The following PHLPP2 variants were observed in gnomAD, a reference collection of about 807,000 sequenced individuals.
PHLPP2 encodes PH domain leucine-rich repeat-containing protein phosphatase 2.
PHLPP2 carries 66 observed loss-of-function variants against 124.9 expected under a neutral mutation model. That is an observed-to-expected ratio of 0.53 (90% CI 0.43 to 0.65). PHLPP2 has a LOEUF of 0.65. PHLPP2 is among the 30% of genes least tolerant of loss of function. The probability of loss-of-function intolerance (pLI) is 0.00; values close to 1 mark genes in which losing one functional copy is unlikely to be tolerated. For synonymous variants in PHLPP2, 681 were observed against 624.7 expected (o/e 1.09, Z -1.34); for missense variants, 1,685 against 1,600.4 (o/e 1.05, Z -0.90).
Position 71,645,564 on chromosome 16 carries a change from G to T in PHLPP2, c.*3326C>A, listed in dbSNP as rs2044647802. On this transcript the variant is annotated 3_prime_UTR_variant, in exon 19 of 19. Coordinates refer to ENST00000568954, the MANE Select transcript of PHLPP2 (RefSeq NM_015020.3). The stretch of plus-strand genomic sequence containing the variant: ...GAGAAGGTGAGCCTGTGGCTTCCAA[G>T]TACCGGCTTTTGCTGAAGGTCTACA... The T allele has an allele frequency of 6.5e-6, 1 of 152,704 alleles. No homozygotes were observed. Among genetic ancestry groups the T allele is most frequent in the South Asian group, 2.1e-4 (1 of 4,834 alleles). 9.5% of individuals were successfully genotyped at this position (152,704 alleles called of 1,614,324 possible). A position where few individuals can be genotyped will look rare whatever the true frequency, so the allele number is the denominator to read the frequency against.
At position 71,693,081 on chromosome 16, in the gene PHLPP2, A is replaced by G. The variant is rs569928065; in HGVS notation, c.419-2372T>C. Among the ~76,000 whole-genome samples, 717 of 152,182 alleles carry G rather than the reference A, an allele frequency of 4.7e-3. 2 individuals are homozygous for G. Among genetic ancestry groups the G allele is most frequent in the Non-Finnish European group, 7.8e-3 (527 of 67,982 alleles). On this transcript the variant is annotated intron_variant, in intron 3 of 18. Coordinates refer to ENST00000568954, the MANE Select transcript of PHLPP2 (RefSeq NM_015020.3). ...TGAGGCGGGCGGATCACGAGGTCAG[A>G]AGTTCAAGACCAGCCTGACCAACAT...
At chr16:71,716,974 T>C (rs1181800259) in intron 1 of PHLPP2, among the ~76,000 whole-genome samples, 1 of 152,266 alleles carries the variant, frequency 6.6e-6, no homozygotes, top group Non-Finnish European at 1.5e-5. Context: ...ATTTCTAGCA[T>C]GTTAACACCT....
At chr16:71,704,264 G>A (rs1567627507) in intron 2 of PHLPP2, among the ~76,000 whole-genome samples, 1 of 147,878 alleles carries the variant, frequency 6.8e-6, no homozygotes, top group Non-Finnish European at 1.5e-5. Flanking sequence ...GAGCCGAGAT[G>A]GTGCCACCGC....
At chr16:71,677,453 C>CATATATAT (rs9302629) in intron 8 of PHLPP2, 49 of 133,760 alleles carry the variant, frequency 3.7e-4, no homozygotes, top group Middle Eastern at 3.8e-3. Flanking sequence ...ATAATCTGCA[C>CATATATAT]ATATATATAT....
rs752382659 is a variant in PHLPP2, at chr16:71,714,646, G to A, written c.150C>T (p.Ser50=). 1.2e-6 allele frequency: 2 copies of A among 1,613,658 alleles called. No homozygotes were observed. The highest frequency in any genetic ancestry group is 3.3e-5 in the Admixed American group (2 of 59,992). ...TTTATTTTTT[S]SSSSSSSSSS... ...AAGAGGAGGAGGAGGAAGAGGAAGA[G>A]GAGGTGGTGGTGGTTGTAGTGGCAG... The change falls in exon 2 of 19, where the codon TCC becomes TCT. Residue 50 remains serine, a synonymous_variant. Transcript: ENST00000568954.
intron 1 of PHLPP2, among the ~76,000 whole-genome samples, chr16:71,717,390 G>C (rs2045370306): frequency 6.6e-6 from 1 of 152,184 alleles, no homozygotes; most frequent in African/African-American, 2.4e-5. Flanking sequence ...TCATTTTGCA[G>C]ATCTTGGGGA....
rs1056737224 is a variant in PHLPP2, at chr16:71,646,720, T to C, written c.*2170A>G. The C allele has an allele frequency of 6.6e-6, 1 of 152,154 alleles. No individual in the cohort carries two copies. The highest frequency in any genetic ancestry group is 1.5e-5 in the Non-Finnish European group (1 of 68,028). The allele number at this position is 152,154 out of a possible 1,614,324, so 9.4% of individuals were successfully genotyped here. A position where few individuals can be genotyped will look rare whatever the true frequency, so the allele number is the denominator to read the frequency against. On this transcript the variant is annotated 3_prime_UTR_variant, in exon 19 of 19. Transcript: ENST00000568954. ...TTTCTTCATTAAAAAAAATTTCCCA[T>C]ATAAAAATAAGGTGGCAAAACACTC...
chr16:71,673,218 A>AG, intron 9 of PHLPP2, among the ~76,000 whole-genome samples: 1 of 152,210 alleles, frequency 6.6e-6, no homozygotes, highest in East Asian at 1.9e-4. Context: ...TATTGAACGT[A>AG]AGCCTAGAAG....
intron 5 of PHLPP2, among the ~76,000 whole-genome samples, chr16:71,683,284 A>C (rs1421378016): frequency 2.0e-5 from 3 of 152,254 alleles, no homozygotes; most frequent in African/African-American, 7.2e-5. Flanking sequence ...GAATTTGGAA[A>C]TCACAATACA....
chr16:71,648,986 C>T lies in PHLPP2; in HGVS notation c.3876G>A (p.Lys1292=), dbSNP rs759919040. 20 of 1,613,938 alleles carry T rather than the reference C, an allele frequency of 1.2e-5. No individual in the cohort carries two copies. Among genetic ancestry groups the T allele is most frequent in the Admixed American group, 8.3e-5 (5 of 59,996 alleles). ...TGTCCTGGTGCTGTTTCATTTGTTC[C>T]TTCACTTCTTCTTCCAGGTCATGAG... ...VVPHDLEEEV[K]EQMKQHQDSR... The change falls in exon 19 of 19, where the codon AAG becomes AAA. Residue 1292 remains lysine, a synonymous_variant. Coordinates refer to ENST00000568954, the MANE Select transcript of PHLPP2 (RefSeq NM_015020.3).
chr16:71,692,231 G>A (rs1053313831), intron 3 of PHLPP2, among the ~76,000 whole-genome samples: 8 of 151,958 alleles, frequency 5.3e-5, no homozygotes, highest in Non-Finnish European at 1.2e-4. Context: ...CAACACGCCC[G>A]GCTAATATTT....
chr16:71,658,966 G>A (rs936871472), intron 13 of PHLPP2, 151 bp from the exon 14 acceptor site: 3 of 686,150 alleles, frequency 4.4e-6, no homozygotes, highest in Admixed American at 2.5e-5. Context: ...GGAATACCAG[G>A]AAAGGCAATG....
At chr16:71,723,808 C>T in intron 1 of PHLPP2, 2 of 1,294,836 alleles carry the variant, frequency 1.5e-6, no homozygotes, top group Non-Finnish European at 9.8e-7. Context: ...GGCTCGCGGG[C>T]GCTTCGGGCG....
In PHLPP2 at chr16:71,658,681, G is replaced by A. The variant is rs2044762106; in HGVS notation, c.2120C>T (p.Pro707Leu). 1.9e-6 allele frequency: 3 copies of A among 1,614,138 alleles called. No homozygotes were observed. The highest frequency in any genetic ancestry group is 2.5e-6 in the Non-Finnish European group (3 of 1,180,026). Residue 707 changes from proline to leucine, a missense_variant, in exon 14 of 19, where the codon CCA becomes CTA. Transcript: ENST00000568954. ...VAHSNNISIF[P>L]EILQLPQIQF... Reference sequence around the variant, plus strand: ...GATCTGAGGCAACTGCAGTATTTCTGGGAAAATGCTGATGTTGTTGGAGTG... The same window carrying A: ...GATCTGAGGCAACTGCAGTATTTCTAGGAAAATGCTGATGTTGTTGGAGTG...
intron 3 of PHLPP2, among the ~76,000 whole-genome samples, chr16:71,692,148 C>T (rs928722354): frequency 1.3e-5 from 2 of 151,912 alleles, no homozygotes; most frequent in Admixed American, 6.6e-5. Flanking sequence ...CGGCTCACTG[C>T]GAGCCCCGCC....
At chr16:71,713,588 C>G (rs940609622) in intron 2 of PHLPP2, among the ~76,000 whole-genome samples, 39 of 152,096 alleles carry the variant, frequency 2.6e-4, no homozygotes, top group African/African-American at 9.2e-4. Context: ...TAATAGAAGA[C>G]TGGCTAAAAT....
Position 71,664,030 on chromosome 16 carries a change from A to G in PHLPP2, c.1854T>C (p.Ser618=). Residue 618 remains serine, a synonymous_variant, in exon 13 of 19, where the codon AGT becomes AGC. Transcript: ENST00000568954. ...GATAAAGCAGCTGCAGCATACTCAA[A>G]CTCTCCTCTCCAGTGCAGGCGGATG... is the stretch of plus-strand genomic sequence containing the variant. ...SLPSACTGEE[S]LSMLQLLYLT... 6.2e-7 allele frequency: 1 copy of G among 1,613,808 alleles called. No homozygotes were observed. Among genetic ancestry groups the G allele is most frequent in the Non-Finnish European group, 8.5e-7 (1 of 1,179,806 alleles).
At chr16:71,653,347 T>A (rs1053362498) in intron 17 of PHLPP2, among the ~76,000 whole-genome samples, 1 of 152,106 alleles carries the variant, frequency 6.6e-6, no homozygotes, top group Non-Finnish European at 1.5e-5. Context: ...TGAGGGCTTG[T>A]CAGAACAGGG....
At chr16:71,660,150 A>C (rs929216614) in intron 13 of PHLPP2, among the ~76,000 whole-genome samples, 3 of 152,028 alleles carry the variant, frequency 2.0e-5, no homozygotes, top group Non-Finnish European at 4.4e-5. Context: ...ATCTCTGATA[A>C]CATTTTAGTA....
Sources: gnomAD v4.1 joint callset for allele counts (sites outside exome capture counted in the v4.1 genomes callset) on GRCh38, gnomAD v4.1.1 for gene constraint, MANE v1.5 for transcripts, NCBI Gene and HGNC (gene_info 2026-07-23, HGNC 2026-07-21) for gene names.